FHIT: variants seen among roughly 807,000 people sequenced by gnomAD.
FHIT encodes the protein fragile histidine triad diadenosine triphosphatase, also known as bis(5'-adenosyl)-triphosphatase.
Under a neutral mutation model 17.9 loss-of-function variants are expected in FHIT, and 19 were observed. The ratio of observed to expected loss-of-function variants is 1.06; its 90% CI spans 0.74 to 1.56. FHIT has a LOEUF of 1.56. Ranked by LOEUF, FHIT falls within the 40% of genes most tolerant of loss-of-function variation. The pLI, the probability that FHIT is intolerant of heterozygous loss-of-function variation, is 0.00. For missense variants in FHIT, 248 were observed against 189.2 expected (o/e 1.31, Z -1.82); for synonymous variants, 81 against 69.7 (o/e 1.16, Z -0.81).
chr3:60,588,891 G>C (rs1194955672), intron 4 of FHIT, among the ~76,000 whole-genome samples: 2 of 152,036 alleles, frequency 1.3e-5, no homozygotes, highest in Non-Finnish European at 2.9e-5. Flanking sequence ...GAAGTCAGAA[G>C]TTTCCCAAGT....
At chr3:60,893,233 T>G (rs917434907) in intron 3 of FHIT, among the ~76,000 whole-genome samples, 2 of 152,176 alleles carry the variant, frequency 1.3e-5, no homozygotes, top group Non-Finnish European at 2.9e-5. Flanking sequence ...TCCCCTAGTT[T>G]ACTACACTTA....
intron 4 of FHIT, among the ~76,000 whole-genome samples, chr3:60,586,278 C>T (rs1034346901): frequency 6.6e-6 from 1 of 151,884 alleles, no homozygotes; most frequent in African/African-American, 2.4e-5. Context: ...GTGAAATAAC[C>T]TCCCCCCAGT....
Position 60,243,380 on chromosome 3 carries a change from T to C in FHIT, c.104-229228A>G, listed in dbSNP as rs564047619. The stretch of plus-strand genomic sequence containing the variant: ...AATAACATCAACAAACCACACTCAA[T>C]TGGTTTCTTCAGAGAATGTAACACT... On this transcript the variant is annotated intron_variant, in intron 5 of 9. Transcript: ENST00000492590. Among the ~76,000 whole-genome samples, 4 of 152,220 alleles carry C rather than the reference T, an allele frequency of 2.6e-5. No individual in the cohort carries two copies. The East Asian group carries it at 5.8e-4, about 22-fold the overall frequency.
intron 3 of FHIT, among the ~76,000 whole-genome samples, chr3:60,826,810 A>T (rs1467004343): frequency 6.6e-6 from 1 of 152,174 alleles, no homozygotes; most frequent in Non-Finnish European, 1.5e-5. Context: ...AGACAAAGTA[A>T]ACCAAGGGTA....
chr3:60,711,980 C>A (rs1391943903), intron 4 of FHIT, among the ~76,000 whole-genome samples: 5 of 152,052 alleles, frequency 3.3e-5, no homozygotes, highest in South Asian at 2.1e-4. Flanking sequence ...GTCAGATTCA[C>A]CAAAGTTGAA....
At chr3:60,345,096 A>G (rs998929601) in intron 5 of FHIT, among the ~76,000 whole-genome samples, 2 of 152,192 alleles carry the variant, frequency 1.3e-5, no homozygotes, top group Non-Finnish European at 2.9e-5. Flanking sequence ...CCTTTTCCCC[A>G]TACTTCACAA....
intron 5 of FHIT, among the ~76,000 whole-genome samples, chr3:60,432,987 ATTG>A (rs2029872464): frequency 1.3e-5 from 2 of 151,864 alleles, no homozygotes; most frequent in African/African-American, 4.8e-5. Flanking sequence ...ACTAGATAAT[ATTG>A]TTAACTGTAC....
chr3:60,782,442 G>T (rs1700426272), intron 4 of FHIT, among the ~76,000 whole-genome samples: 1 of 152,098 alleles, frequency 6.6e-6, no homozygotes. Flanking sequence ...CCAGATGAGG[G>T]TATTAAGGGA....
chr3:60,981,533 A>C (rs1184060753), intron 3 of FHIT, among the ~76,000 whole-genome samples: 1 of 151,528 alleles, frequency 6.6e-6, no homozygotes. Context: ...CTGGTCTCGA[A>C]CTCCTGAGCT....
intron 5 of FHIT, among the ~76,000 whole-genome samples, chr3:60,069,693 C>T (rs74819812): frequency 0.01 from 1,537 of 152,248 alleles, 26 homozygotes; most frequent in African/African-American, 0.035. Context: ...CTTGGAAAGA[C>T]ATTCTGTGCC....
chr3:60,234,708 G>A (rs528621089), intron 5 of FHIT, among the ~76,000 whole-genome samples: 2 of 152,256 alleles, frequency 1.3e-5, no homozygotes, highest in South Asian at 4.2e-4. Flanking sequence ...TTGACCTATA[G>A]GGCTGTGAAG....
chr3:60,975,716 T>C (rs543662108), intron 3 of FHIT, among the ~76,000 whole-genome samples: 1 of 152,320 alleles, frequency 6.6e-6, no homozygotes, highest in East Asian at 1.9e-4. Context: ...ATCTGTAATA[T>C]GACTGTGTAT....
At chr3:60,813,461 A>G (rs1169158893) in intron 4 of FHIT, among the ~76,000 whole-genome samples, 2 of 152,108 alleles carry the variant, frequency 1.3e-5, no homozygotes, top group African/African-American at 4.8e-5. Flanking sequence ...ATTAAATATG[A>G]ACTCCATTTG....
chr3:60,233,341 G>A (rs180815069), intron 5 of FHIT, among the ~76,000 whole-genome samples: 16 of 152,058 alleles, frequency 1.1e-4, no homozygotes, highest in East Asian at 1.9e-4. Context: ...CAGCCATCCC[G>A]TGCCTTCCAG....
At chr3:60,629,943 G>T (rs1432824402) in intron 4 of FHIT, among the ~76,000 whole-genome samples, 1 of 152,142 alleles carries the variant, frequency 6.6e-6, no homozygotes, top group Non-Finnish European at 1.5e-5. Context: ...CTTGATAGCT[G>T]CTCCCAAAAG....
chr3:59,875,617 T>A (rs953135508), intron 8 of FHIT, among the ~76,000 whole-genome samples: 30 of 152,244 alleles, frequency 2.0e-4, no homozygotes, highest in African/African-American at 7.2e-4. Flanking sequence ...TTTTTTTTTA[T>A]AATTTTAGCA....
chr3:60,269,657 A>G (rs1178865360), intron 5 of FHIT, among the ~76,000 whole-genome samples: 2 of 152,214 alleles, frequency 1.3e-5, no homozygotes, highest in East Asian at 1.9e-4. Context: ...GCATTTGCTA[A>G]GCATTTAAAA....
intron 8 of FHIT, among the ~76,000 whole-genome samples, chr3:59,823,238 T>C (rs1700857691): frequency 6.6e-6 from 1 of 152,192 alleles, no homozygotes; most frequent in Non-Finnish European, 1.5e-5. Context: ...TGCCTCCAGA[T>C]TTGTTCTTTT....
At chr3:60,775,918 G>T (rs1354661846) in intron 4 of FHIT, among the ~76,000 whole-genome samples, 4 of 152,150 alleles carry the variant, frequency 2.6e-5, no homozygotes, top group African/African-American at 7.2e-5. Context: ...GCTTAAATTT[G>T]TCTCCCTGGT....
Sources: gnomAD v4.1 joint callset for allele counts (sites outside exome capture counted in the v4.1 genomes callset) on GRCh38, gnomAD v4.1.1 for gene constraint, MANE v1.5 for transcripts, NCBI Gene and HGNC (gene_info 2026-07-23, HGNC 2026-07-21) for gene names.